FRMPD3: variants seen among roughly 807,000 people sequenced by gnomAD.
FRMPD3 encodes the protein FERM and PDZ domain-containing protein 3.
A neutral mutation model predicts 97.9 loss-of-function variants in FRMPD3; 42 were observed. The observed-to-expected ratio is 0.43, with a 90% CI of 0.34 to 0.55. The LOEUF is 0.55. FRMPD3 is among the 20% of genes least tolerant of loss of function. The probability of loss-of-function intolerance (pLI) is 0.03; values close to 1 mark genes in which losing one functional copy is unlikely to be tolerated. For missense variants in FRMPD3, 1,303 were observed against 1,457.7 expected (o/e 0.89, Z 1.73); for synonymous variants, 577 against 581.1 (o/e 0.99, Z 0.10).
chrX:107,501,217 G>T (rs1033523852), intron 1 of FRMPD3, among the ~76,000 whole-genome samples: 6 of 108,641 alleles, frequency 5.5e-5, no homozygotes, highest in African/African-American at 2.0e-4. Context: ...GATTGCAAAG[G>T]CCTGCAGAAT....
At chrX:107,516,441 G>A (rs1424064823) in intron 1 of FRMPD3, among the ~76,000 whole-genome samples, 1 of 111,407 alleles carries the variant, frequency 9.0e-6, no homozygotes, top group Non-Finnish European at 1.9e-5. Flanking sequence ...GATCCCTGAG[G>A]AATCGCCACA....
intron 1 of FRMPD3, among the ~76,000 whole-genome samples, chrX:107,504,401 G>A (rs1007881728): frequency 3.6e-5 from 4 of 112,472 alleles, no homozygotes; most frequent in Non-Finnish European, 7.5e-5. Flanking sequence ...CAAACTAGTG[G>A]GAAGGAGAGG....
intron 1 of FRMPD3, among the ~76,000 whole-genome samples, chrX:107,503,054 G>T (rs772612138): frequency 8.9e-6 from 1 of 111,828 alleles, no homozygotes; most frequent in East Asian, 2.8e-4. Context: ...TAGTCATGGG[G>T]GGAATGGGGG....
intron 13 of FRMPD3, among the ~76,000 whole-genome samples, chrX:107,578,571 T>G (rs1269654372): frequency 8.9e-6 from 1 of 111,843 alleles, no homozygotes; most frequent in Non-Finnish European, 1.9e-5. Context: ...ACAGGGCCTC[T>G]GTGTCCATGC....
At chrX:107,560,457 G>A in intron 9 of FRMPD3, 64 bp downstream of exon 9, 1 of 1,158,742 alleles carries the variant, frequency 8.6e-7, no homozygotes, top group Non-Finnish European at 1.2e-6. Flanking sequence ...AGGTACACTG[G>A]TTGAGCTATG....
Position 107,522,434 on chromosome X carries a change from G to T in FRMPD3, c.-7-4148G>T, listed in dbSNP as rs773200421. On this transcript the variant is annotated intron_variant, in intron 1 of 14. Transcript: ENST00000683843. ...GACGTAGAGTGCTGCTGACTGTAGG[G>T]TTGGGGCAGCTTGCAATGGAGACTC... 2.7e-4 allele frequency: 148 copies of T among 556,484 alleles called. No individual in the cohort carries two copies. In the Middle Eastern group the frequency reaches 7.4e-3, roughly 28 times the overall value. The allele number at this position is 556,484 out of a possible 1,213,427, so 45.9% of individuals were successfully genotyped here.
chrX:107,526,564 A>G lies in FRMPD3; in HGVS notation c.-7-18A>G, dbSNP rs770945252. On this transcript the variant is annotated intron_variant, in intron 1 of 14. Transcript: ENST00000683843. ...TCCCTGTGCATCTTGTTTTGCTCCC[A>G]CCTTCCCTTTTCCCCAGTCATGTGA... 8.5e-7 allele frequency: 1 copy of G among 1,181,684 alleles called. No individual in the cohort carries two copies. The highest frequency in any genetic ancestry group is 1.1e-6 in the Non-Finnish European group (1 of 881,937).
chrX:107,573,533 T>C (rs1453633892), intron 12 of FRMPD3, among the ~76,000 whole-genome samples: 1 of 111,560 alleles, frequency 9.0e-6, no homozygotes, highest in Non-Finnish European at 1.9e-5. Context: ...TAACTGGAGG[T>C]ACGAAAGTCC....
intron 1 of FRMPD3, among the ~76,000 whole-genome samples, chrX:107,471,345 TA>T (rs57801596): frequency 1.1e-5 from 1 of 89,412 alleles, no homozygotes; most frequent in Non-Finnish European, 2.1e-5. Flanking sequence ...TTCTTTGTTC[TA>T]AAAAAAAAAA....
intron 1 of FRMPD3, among the ~76,000 whole-genome samples, chrX:107,488,537 T>C (rs1921565998): frequency 8.9e-6 from 1 of 112,261 alleles, no homozygotes; most frequent in African/African-American, 3.2e-5. Context: ...GAGAAAAACA[T>C]CCTTGATTCA....
intron 1 of FRMPD3, among the ~76,000 whole-genome samples, chrX:107,489,433 A>C (rs1460186081): frequency 1.8e-5 from 2 of 111,609 alleles, no homozygotes; most frequent in Non-Finnish European, 3.8e-5. Context: ...AATGGTTGAA[A>C]GAGTTTACAG....
intron 5 of FRMPD3, among the ~76,000 whole-genome samples, chrX:107,549,631 A>T (rs1921772271): frequency 1.8e-5 from 2 of 111,615 alleles, no homozygotes; most frequent in Admixed American, 1.9e-4. Flanking sequence ...GGCCTCAGGG[A>T]AAGGGAGGTA....
In FRMPD3 at chrX:107,552,876, G is replaced by A; in HGVS notation, c.592G>A (p.Glu198Lys). ...FALVLEYAGP[E>K]QNHKFLLLQD... ...TCTTGTCCTTGAGTATGCCGGGCCA[G>A]AACAGAATCACAAGTTTCTGCTTCT... The change falls in exon 7 of 15, where the codon GAA (glutamate) becomes AAA (lysine). Residue 198 changes from glutamate to lysine, a missense_variant. Coordinates refer to ENST00000683843, the MANE Select transcript of FRMPD3 (RefSeq NM_001388459.1). 1 of 1,209,927 alleles carries A rather than the reference G, an allele frequency of 8.3e-7. No homozygotes were observed. The highest frequency in any genetic ancestry group is 1.1e-6 in the Non-Finnish European group (1 of 894,903).
At chrX:107,520,585 AG>A (rs1021143793) in intron 1 of FRMPD3, among the ~76,000 whole-genome samples, 2 of 111,433 alleles carry the variant, frequency 1.8e-5, no homozygotes, top group African/African-American at 6.5e-5. Flanking sequence ...ATCTGAGCCC[AG>A]GAAGTCGAGG....
intron 1 of FRMPD3, among the ~76,000 whole-genome samples, chrX:107,463,221 G>C (rs1176543314): frequency 1.8e-5 from 2 of 112,632 alleles, no homozygotes; most frequent in Non-Finnish European, 3.7e-5. Context: ...ATGTACTCTG[G>C]AGTCAGCCTT....
Position 107,552,910 on chromosome X carries a change from A to G in FRMPD3, c.626A>G (p.Lys209Arg). 8.3e-7 allele frequency: 1 copy of G among 1,208,610 alleles called. No homozygotes were observed. Among genetic ancestry groups the G allele is most frequent in the Non-Finnish European group, 1.1e-6 (1 of 894,313 alleles). The change falls in exon 7 of 15, where the codon AAG (lysine) becomes AGG (arginine). Residue 209 changes from lysine (K) to arginine (R), a missense_variant. By Grantham distance (26) the Lys-to-Arg change is conservative. Around this residue, in one of 3 missense-constraint regions of FRMPD3, gnomAD observed 535 missense variants for 618.6 expected, o/e 0.86. Transcript: ENST00000683843. Reference sequence around the variant, plus strand: ...CACAAGTTTCTGCTTCTTCAGGACAAGCAACCCCTGGCTTATGTAAGTAAC... The same window carrying G: ...CACAAGTTTCTGCTTCTTCAGGACAGGCAACCCCTGGCTTATGTAAGTAAC... The part of the protein sequence containing the change: ...QNHKFLLLQD[K>R]QPLAYVVQRT...
chrX:107,581,532 A>G (rs1001584727), intron 13 of FRMPD3, among the ~76,000 whole-genome samples: 6 of 111,179 alleles, frequency 5.4e-5, no homozygotes, highest in Admixed American at 4.8e-4. Context: ...TGAAGTGCAC[A>G]ATACAATTTT....
At position 107,602,602 on chromosome X, in the gene FRMPD3, C is replaced by G; in HGVS notation, c.4563C>G (p.Pro1521=). The change falls in exon 15 of 15, where the codon CCC becomes CCG. Residue 1521 remains proline (P), a synonymous_variant. Coordinates refer to ENST00000683843, the MANE Select transcript of FRMPD3 (RefSeq NM_001388459.1). ...DGKDELSYSI[P]MKILPGMKLD... ...AGGATGAGCTCTCCTACTCTATCCC[C>G]ATGAAGATCCTGCCTGGCATGAAGC... The G allele has an allele frequency of 1.7e-6, 2 of 1,211,479 alleles. No individual in the cohort carries two copies. Among genetic ancestry groups the G allele is most frequent in the South Asian group, 3.5e-5 (2 of 57,044 alleles).
intron 13 of FRMPD3, among the ~76,000 whole-genome samples, chrX:107,577,162 TAAAAAAAAAAAAAAAA>T (rs1170985688): frequency 6.2e-5 from 2 of 32,070 alleles, no homozygotes; most frequent in African/African-American, 1.9e-4. Flanking sequence ...CTGTCTCTAC[TAAAAAAAAAAAAAAAA>T]AAAAAAAAAA....
Sources: gnomAD v4.1 joint callset for allele counts (sites outside exome capture counted in the v4.1 genomes callset) on GRCh38, gnomAD v4.1.1 for gene constraint, gnomAD v4.1.1 regional missense constraint, MANE v1.5 for transcripts, NCBI Gene and HGNC (gene_info 2026-07-23, HGNC 2026-07-21) for gene names.